OPA3: variants seen among roughly 807,000 people sequenced by gnomAD.
OPA3 encodes the protein optic atrophy 3 protein.
Under a neutral mutation model 4.0 loss-of-function variants are expected in OPA3, and 6 were observed. That is an observed-to-expected ratio of 1.51 (90% CI 0.83 to 2.99). The LOEUF is 2.99. Among genes scored for constraint, OPA3 ranks in the 30% most tolerant of loss-of-function variants. The pLI is 0.00. For missense variants in OPA3, 235 were observed against 256.2 expected (o/e 0.92, Z 0.56); for synonymous variants, 105 against 117.1 (o/e 0.90, Z 0.67).
chr19:45,560,536 T>C (rs1052345455), intron 1 of OPA3, among the ~76,000 whole-genome samples: 9 of 152,156 alleles, frequency 5.9e-5, no homozygotes, highest in African/African-American at 2.2e-4. Flanking sequence ...TTTGGTGTTA[T>C]CTGTCCCCTC....
chr19:45,583,922 G>A lies in OPA3; in HGVS notation c.142+701C>T, dbSNP rs535701804. ...GCTCCCACTTTCCCGACCACTCTGG[G>A]TTGACAGTGATGGATCAGGAGTATA... On this transcript the variant is annotated intron_variant, in intron 1 of 1. Transcript: ENST00000263275. 2.0e-3 allele frequency among the ~76,000 whole-genome samples: 297 copies of A among 152,286 alleles called. 1 individual carries two copies. Among genetic ancestry groups the A allele is most frequent in the Non-Finnish European group, 3.7e-3 (251 of 68,026 alleles).
chr19:45,529,479 G>A, intron 1 of OPA3: 4 of 1,186,338 alleles, frequency 3.4e-6, no homozygotes, highest in Non-Finnish European at 3.5e-6. Flanking sequence ...ACAGGAGTCA[G>A]GGGTCTTTTG....
chr19:45,545,461 G>A (rs1409213857), downstream of OPA3, among the ~76,000 whole-genome samples: 1 of 151,734 alleles, frequency 6.6e-6, no homozygotes, highest in Non-Finnish European at 1.5e-5. Flanking sequence ...AGCCTGGGAG[G>A]CTGAGGCTGC....
exon 2 of OPA3, chr19:45,529,025 G>C: frequency 6.3e-7 from 1 of 1,588,684 alleles, no homozygotes; most frequent in South Asian, 1.1e-5. Flanking sequence ...CCAGACAGCA[G>C]TCACCTCCAA....
chr19:45,529,200 G>A lies in OPA3; in HGVS notation c.399C>T (p.Leu133=), dbSNP rs1351919794. The A allele has an allele frequency of 2.5e-6, 4 of 1,611,324 alleles. No individual in the cohort carries two copies. The African/African-American group carries it at 5.3e-5, about 22-fold the overall frequency. The change falls in exon 2 of 2, where the codon CTC becomes CTT. Residue 133 remains leucine, a synonymous_variant. Transcript: ENST00000323060. Reference sequence around the variant, plus strand: ...CCTGCACCTGCGCCTGCAACTCCTCGAGCGCCAGCCCCAAGTGGCCCACCT... The same window carrying A: ...CCTGCACCTGCGCCTGCAACTCCTCAAGCGCCAGCCCCAAGTGGCCCACCT...
At chr19:45,536,548 CAA>C (rs34377614) in intron 1 of OPA3, among the ~76,000 whole-genome samples, 4 of 96,406 alleles carry the variant, frequency 4.1e-5, no homozygotes, top group African/African-American at 3.5e-5. Flanking sequence ...AACTCTGTCT[CAA>C]AAAAAAAAAA....
At chr19:45,529,454 A>T in exon 2 of OPA3, 1 of 1,613,646 alleles carries the variant, frequency 6.2e-7, no homozygotes, top group Non-Finnish European at 8.5e-7. Flanking sequence ...AGCCAGTGGT[A>T]CACTGCAGGA....
At chr19:45,561,231 G>A (rs1323951734) in intron 1 of OPA3, among the ~76,000 whole-genome samples, 1 of 152,188 alleles carries the variant, frequency 6.6e-6, no homozygotes, top group Non-Finnish European at 1.5e-5. Context: ...TACTCGGGAG[G>A]CTGGGGCAGG....
In OPA3 at chr19:45,553,918, G is replaced by A. The variant is rs375551151; in HGVS notation, c.143-7C>T. ...ATCTCCACCCAGTGATACACTGCGG[G>A]GGAAGAGAGGGGTCAGGCTGCGCTC... On this transcript the variant is annotated splice_polypyrimidine_tract_variant and splice_region_variant and intron_variant, in intron 1 of 1. Transcript: ENST00000263275. The A allele has an allele frequency of 6.3e-5, 101 of 1,599,418 alleles. No individual in the cohort carries two copies. The African/African-American group carries it at 1.2e-3, about 18-fold the overall frequency.
chr19:45,564,451 G>A (rs1290777827), intron 1 of OPA3, among the ~76,000 whole-genome samples: 1 of 152,156 alleles, frequency 6.6e-6, no homozygotes, highest in African/African-American at 2.4e-5. Flanking sequence ...AGGACTCTGA[G>A]AACAGCCCAG....
At chr19:45,576,116 A>C (rs1170948394) in intron 1 of OPA3, among the ~76,000 whole-genome samples, 1 of 152,094 alleles carries the variant, frequency 6.6e-6, no homozygotes, top group Non-Finnish European at 1.5e-5. Flanking sequence ...CCAGCTATTC[A>C]GGAGGCCAAG....
rs990619244 is a variant in OPA3, at chr19:45,549,568, C to T, written c.*3946G>A. 10 of 877,832 alleles carry T rather than the reference C, an allele frequency of 1.1e-5. No individual in the cohort carries two copies. The highest frequency in any genetic ancestry group is 1.8e-5 in the African/African-American group (1 of 54,862). 54.4% of individuals were successfully genotyped at this position (877,832 alleles called of 1,614,324 possible). A position where few individuals can be genotyped will look rare whatever the true frequency, so the allele number is the denominator to read the frequency against. On this transcript the variant is annotated 3_prime_UTR_variant, in exon 2 of 2. Coordinates refer to ENST00000263275, the MANE Select transcript of OPA3 (RefSeq NM_025136.4). ...CGATCTCAGCTCACTGCAACCTCCA[C>T]CTCCTGGGTTCAAGCAATTCTCGTG...
downstream of OPA3, among the ~76,000 whole-genome samples, chr19:45,544,398 G>A (rs1428401994): frequency 6.6e-6 from 1 of 152,200 alleles, no homozygotes; most frequent in East Asian, 1.9e-4. Context: ...GGTGGCTCAC[G>A]CCTGTAATCC....
intron 1 of OPA3, among the ~76,000 whole-genome samples, chr19:45,569,196 C>G (rs1368386427): frequency 6.6e-6 from 1 of 152,212 alleles, no homozygotes; most frequent in Non-Finnish European, 1.5e-5. Context: ...CTGTGGCTCA[C>G]GCCTGTAATC....
chr19:45,580,172 T>C (rs1356359398), intron 1 of OPA3, among the ~76,000 whole-genome samples: 1 of 150,164 alleles, frequency 6.7e-6, no homozygotes, highest in Non-Finnish European at 1.5e-5. Flanking sequence ...AATTTTTGTA[T>C]TTTTAGTAGA....
intron 1 of OPA3, among the ~76,000 whole-genome samples, chr19:45,567,943 G>A (rs151248813): frequency 3.3e-5 from 5 of 152,242 alleles, no homozygotes; most frequent in Non-Finnish European, 7.4e-5. Context: ...GCCAGTCTCT[G>A]CCCTGGTTGC....
chr19:45,557,465 G>A (rs1056669899), intron 1 of OPA3, among the ~76,000 whole-genome samples: 2 of 152,022 alleles, frequency 1.3e-5, no homozygotes, highest in African/African-American at 2.4e-5. Context: ...CCAGACTTGC[G>A]GGGGTCAACA....
Position 45,548,823 on chromosome 19 carries a change from A to ATTTATT in OPA3, c.*4690_*4691insAATAAA, listed in dbSNP as rs1969290258. 2.4e-6 allele frequency: 1 copy of ATTTATT among 414,866 alleles called. No homozygotes were observed. The highest frequency in any genetic ancestry group is 3.0e-4 in the East Asian group (1 of 3,342). 25.7% of individuals were successfully genotyped at this position (414,866 alleles called of 1,614,324 possible). A position where few individuals can be genotyped will look rare whatever the true frequency, so the allele number is the denominator to read the frequency against. ...TTTATTTATTTATTTATTTATTTAG[A>ATTTATT]GATGAAGTCTCGCTCTGTCACCCAG... is the stretch of plus-strand genomic sequence containing the variant. On this transcript the variant is annotated 3_prime_UTR_variant, in exon 2 of 2. Coordinates refer to ENST00000263275, the MANE Select transcript of OPA3 (RefSeq NM_025136.4).
Position 45,548,689 on chromosome 19 carries a change from T to TA in OPA3, c.*4824dup, listed in dbSNP as rs1969287842. On this transcript the variant is annotated 3_prime_UTR_variant, in exon 2 of 2. Coordinates refer to ENST00000263275, the MANE Select transcript of OPA3 (RefSeq NM_025136.4). Reference sequence around the variant, plus strand: ...TTTTTTTTTTTTGCGGGAGACGCCCTACCAAGGACACTGGGTCCATGTCCC... The same window carrying TA: ...TTTTTTTTTTTTGCGGGAGACGCCCTAACCAAGGACACTGGGTCCATGTCCC... 18 of 981,620 alleles carry TA rather than the reference T, an allele frequency of 1.8e-5. No individual in the cohort carries two copies. The South Asian group carries it at 6.6e-4, about 36-fold the overall frequency. The allele number at this position is 981,620 out of a possible 1,614,324, so 60.8% of individuals were successfully genotyped here. A position where few individuals can be genotyped will look rare whatever the true frequency, so the allele number is the denominator to read the frequency against.
Sources: allele counts gnomAD v4.1 joint callset (sites outside exome capture counted in the v4.1 genomes callset), GRCh38; gene constraint gnomAD v4.1.1; transcripts MANE v1.5; gene names NCBI Gene and HGNC (gene_info 2026-07-23, HGNC 2026-07-21).